Variants in ATG10 observed in about 807,000 individuals in gnomAD.
The protein encoded by ATG10 is ubiquitin-like-conjugating enzyme ATG10.
Under a neutral mutation model 32.1 loss-of-function variants are expected in ATG10, and 30 were observed. The observed-to-expected ratio is 0.94, with a 90% CI of 0.70 to 1.27. ATG10 has a LOEUF of 1.27. Ranked by LOEUF, ATG10 falls within the 50% of genes most tolerant of loss-of-function variation. The pLI is 0.00. For missense variants in ATG10, 233 were observed against 262.3 expected (o/e 0.89, Z 0.77); for synonymous variants, 87 against 91.5 (o/e 0.95, Z 0.28).
chr5:82,139,201 C>T (rs1040709830), intron 3 of ATG10, among the ~76,000 whole-genome samples: 2 of 145,814 alleles, frequency 1.4e-5, no homozygotes, highest in African/African-American at 5.2e-5. Flanking sequence ...ACAACCTACA[C>T]CTCCCAGCCG....
At chr5:82,078,755 A>C (rs1764366445) in intron 3 of ATG10, 2 of 152,162 alleles carry the variant, frequency 1.3e-5, no homozygotes, top group Admixed American at 1.3e-4. Context: ...TTAATAAACA[A>C]ACCAAAAAAA....
chr5:82,142,385 A>T (rs1352220851), intron 3 of ATG10, among the ~76,000 whole-genome samples: 5 of 152,194 alleles, frequency 3.3e-5, no homozygotes, highest in Non-Finnish European at 7.3e-5. Flanking sequence ...AACAAGAAGG[A>T]TGAGTAGGCA....
At chr5:82,215,698 G>A (rs1439079665) in intron 5 of ATG10, among the ~76,000 whole-genome samples, 1 of 152,080 alleles carries the variant, frequency 6.6e-6, no homozygotes, top group Non-Finnish European at 1.5e-5. Context: ...CACTTTGGGA[G>A]GTTGAGGCAG....
intron 3 of ATG10, among the ~76,000 whole-genome samples, chr5:82,120,864 G>A (rs1766014126): frequency 6.6e-6 from 1 of 152,260 alleles, no homozygotes; most frequent in South Asian, 2.1e-4. Context: ...ACCAGGGTAG[G>A]GAGTAGGGAT....
At chr5:82,194,137 T>C (rs1013153498) in intron 5 of ATG10, among the ~76,000 whole-genome samples, 1 of 152,160 alleles carries the variant, frequency 6.6e-6, no homozygotes, top group African/African-American at 2.4e-5. Flanking sequence ...GAAAGCCCCA[T>C]ATGTGAGTGG....
At chr5:82,160,762 A>G (rs111344499) in intron 3 of ATG10, among the ~76,000 whole-genome samples, 6 of 152,236 alleles carry the variant, frequency 3.9e-5, no homozygotes, top group African/African-American at 9.6e-5. Context: ...AGGATATTGA[A>G]TATCTTCTTT....
chr5:82,197,720 T>TCTATCTA (rs1554056711), intron 5 of ATG10, among the ~76,000 whole-genome samples: 16 of 143,936 alleles, frequency 1.1e-4, no homozygotes, highest in African/African-American at 2.6e-4. Context: ...CTTTCTTTCT[T>TCTATCTA]TCTATCTATC....
intron 5 of ATG10, among the ~76,000 whole-genome samples, chr5:82,243,158 T>C (rs1039703455): frequency 7.9e-5 from 12 of 152,020 alleles, no homozygotes; most frequent in Non-Finnish European, 1.5e-4. Context: ...ATTAATAGTA[T>C]GTAATTTTTC....
intron 3 of ATG10, among the ~76,000 whole-genome samples, chr5:82,083,560 C>A (rs1016405261): frequency 2.0e-5 from 3 of 152,188 alleles, no homozygotes; most frequent in Middle Eastern, 3.2e-3. Flanking sequence ...CCCTGAGTAG[C>A]CTAACTGGGA....
intron 2 of ATG10, among the ~76,000 whole-genome samples, chr5:81,992,934 T>G (rs1761503608): frequency 6.6e-6 from 1 of 152,196 alleles, no homozygotes; most frequent in Non-Finnish European, 1.5e-5. Flanking sequence ...TAAATCAATA[T>G]TTTTCAGTGA....
intron 1 of ATG10, among the ~76,000 whole-genome samples, chr5:81,984,064 G>A (rs1374935064): frequency 6.6e-6 from 1 of 152,244 alleles, no homozygotes; most frequent in East Asian, 1.9e-4. Flanking sequence ...ACTTTGGGAG[G>A]CCAAGGCAGG....
intron 3 of ATG10, among the ~76,000 whole-genome samples, chr5:82,144,183 A>G (rs1167507037): frequency 6.6e-6 from 1 of 150,540 alleles, no homozygotes; most frequent in Admixed American, 6.6e-5. Flanking sequence ...TCCTTTTTTC[A>G]TTTCTGGTTT....
At chr5:82,141,233 T>TA (rs372244370) in intron 3 of ATG10, among the ~76,000 whole-genome samples, 303 of 141,256 alleles carry the variant, frequency 2.1e-3, no homozygotes, top group East Asian at 5.9e-3. Context: ...AAAAATAAAT[T>TA]AAAAAAAAAA....
intron 2 of ATG10, among the ~76,000 whole-genome samples, chr5:82,025,588 C>CCGTG (rs1436142695): frequency 1.3e-5 from 2 of 152,030 alleles, no homozygotes; most frequent in Non-Finnish European, 2.9e-5. Flanking sequence ...AATTACTGTG[C>CCGTG]CGTGACATGT....
chr5:82,127,892 T>C (rs367597206), intron 3 of ATG10, among the ~76,000 whole-genome samples: 15 of 152,092 alleles, frequency 9.9e-5, no homozygotes, highest in South Asian at 4.2e-4. Context: ...GTTAAAGTCT[T>C]CCACTATTAT....
intron 2 of ATG10, among the ~76,000 whole-genome samples, chr5:82,009,392 G>A (rs997485035): frequency 1.3e-5 from 2 of 151,204 alleles, no homozygotes; most frequent in Non-Finnish European, 3.0e-5. Context: ...TATATTTTTT[G>A]TTATTTAGTT....
intron 3 of ATG10, among the ~76,000 whole-genome samples, chr5:82,067,426 G>A (rs1009587341): frequency 2.6e-5 from 4 of 152,260 alleles, no homozygotes; most frequent in East Asian, 3.9e-4. Flanking sequence ...TAGAGATGCG[G>A]CACTGAAACT....
intron 3 of ATG10, among the ~76,000 whole-genome samples, chr5:82,101,395 C>A (rs1765268893): frequency 6.6e-6 from 1 of 152,058 alleles, no homozygotes; most frequent in Non-Finnish European, 1.5e-5. Context: ...GAAGGCTTTC[C>A]AGAATTCCCT....
intron 5 of ATG10, among the ~76,000 whole-genome samples, chr5:82,235,849 T>C (rs894318034): frequency 1.3e-5 from 2 of 152,272 alleles, no homozygotes; most frequent in Non-Finnish European, 2.9e-5. Flanking sequence ...TATGACGCTA[T>C]ATAAAATCTC....
Sources: gnomAD v4.1 joint callset for allele counts (sites outside exome capture counted in the v4.1 genomes callset) on GRCh38, gnomAD v4.1.1 for gene constraint, MANE v1.5 for transcripts, NCBI Gene and HGNC (gene_info 2026-07-23, HGNC 2026-07-21) for gene names.